Variants in TCP11L2 observed in about 807,000 individuals in gnomAD.
TCP11L2 encodes the protein T-complex protein 11-like protein 2.
Under a neutral mutation model 50.7 loss-of-function variants are expected in TCP11L2, and 39 were observed. The observed-to-expected ratio is 0.77, with a 90% CI of 0.60 to 1.01. The LOEUF is 1.01. TCP11L2 is among the 50% of genes least tolerant of loss of function. The pLI is 0.00. For synonymous variants in TCP11L2, 192 were observed against 219.3 expected (o/e 0.88, Z 1.10); for missense variants, 612 against 614.7 (o/e 1.00, Z 0.05).
At chr12:106,310,652 G>A (rs1260376342) in intron 1 of TCP11L2, among the ~76,000 whole-genome samples, 1 of 152,162 alleles carries the variant, frequency 6.6e-6, no homozygotes, top group Non-Finnish European at 1.5e-5. Context: ...CCTTCCCAAG[G>A]TCTCATGGCA....
intron 6 of TCP11L2, among the ~76,000 whole-genome samples, chr12:106,334,096 T>C (rs1248195790): frequency 6.6e-6 from 1 of 152,124 alleles, no homozygotes; most frequent in Non-Finnish European, 1.5e-5. Flanking sequence ...GAGGAACATC[T>C]TCCTGTAATT....
intron 6 of TCP11L2, chr12:106,329,347 GGT>G: frequency 6.5e-7 from 1 of 1,536,112 alleles, no homozygotes; most frequent in Non-Finnish European, 8.7e-7. Context: ...CGAGGTTGCA[GGT>G]GCCTCATGAG....
intron 3 of TCP11L2, 42 bp downstream of exon 3, chr12:106,314,535 C>T: frequency 9.9e-6 from 7 of 706,010 alleles, no homozygotes; most frequent in Non-Finnish European, 1.5e-5. Flanking sequence ...GCTGAAGATT[C>T]TGTGTGTGTG....
rs1455975273 is a variant in TCP11L2, at chr12:106,346,809, A to G, written c.*279A>G. 9.7e-6 allele frequency: 3 copies of G among 310,422 alleles called. No homozygotes were observed. The highest frequency in any genetic ancestry group is 9.0e-5 in the Admixed American group (2 of 22,254). The allele number at this position is 310,422 out of a possible 1,614,324, so 19.2% of individuals were successfully genotyped here. On this transcript the variant is annotated 3_prime_UTR_variant, in exon 10 of 10. Transcript: ENST00000299045. ...CAATTTGTAATTAATTATATTACCT[A>G]TATAATACTTGTAAATGTTTTCTTA...
chr12:106,313,307 G>A lies in TCP11L2; in HGVS notation c.158-1051G>A, dbSNP rs143767411. On this transcript the variant is annotated intron_variant, in intron 2 of 9. Coordinates refer to ENST00000299045, the MANE Select transcript of TCP11L2 (RefSeq NM_152772.3). ...CATTTAAAAATTACAGTTTTTGGCT[G>A]GGTGCGGTGGCTTACACCTGTAATC... Among the ~76,000 whole-genome samples the A allele has an allele frequency of 2.5e-3, 378 of 152,204 alleles. 4 individuals carry two copies. The highest frequency in any genetic ancestry group is 8.7e-3 in the African/African-American group (360 of 41,534).
intron 6 of TCP11L2, chr12:106,329,446 A>C: frequency 6.5e-7 from 1 of 1,534,250 alleles, no homozygotes; most frequent in South Asian, 1.2e-5. Flanking sequence ...GAGAAGAGCC[A>C]ACGTTTCACT....
At chr12:106,308,110 C>T (rs2034705644) in intron 1 of TCP11L2, among the ~76,000 whole-genome samples, 1 of 152,318 alleles carries the variant, frequency 6.6e-6, no homozygotes, top group Admixed American at 6.5e-5. Context: ...TTAAATTTTC[C>T]ATTGCAGCCC....
Position 106,320,496 on chromosome 12 carries a change from T to G in TCP11L2, c.415-990T>G, listed in dbSNP as rs1412460785. Among the ~76,000 whole-genome samples, 3 of 152,378 alleles carry G rather than the reference T, an allele frequency of 2.0e-5. No individual in the cohort carries two copies. The East Asian group carries it at 5.8e-4, about 29-fold the overall frequency. ...GATCTCCTCATGTCTGCATAGCTTT[T>G]CTTTGGGTACTCTGGTTTCCTCCCA... On this transcript the variant is annotated intron_variant, in intron 4 of 9. Transcript: ENST00000299045.
upstream of TCP11L2, among the ~76,000 whole-genome samples, chr12:106,302,407 A>C (rs1181440863): frequency 2.2e-5 from 1 of 46,046 alleles, no homozygotes; most frequent in African/African-American, 1.3e-4. Context: ...GCCCCCGCTC[A>C]GCCCCCGCTC....
At chr12:106,327,689 CCT>C (rs1334928489) in intron 6 of TCP11L2, among the ~76,000 whole-genome samples, 1 of 152,134 alleles carries the variant, frequency 6.6e-6, no homozygotes, top group African/African-American at 2.4e-5. Flanking sequence ...AAAGTCAGCC[CCT>C]GTGCCCTAAT....
intron 3 of TCP11L2, among the ~76,000 whole-genome samples, chr12:106,315,391 TG>T (rs1458821085): frequency 6.6e-6 from 1 of 152,210 alleles, no homozygotes; most frequent in East Asian, 1.9e-4. Context: ...TACAGACACC[TG>T]TAGCCCTTGC....
At chr12:106,340,747 A>C in intron 8 of TCP11L2, 79 bp from the exon 9 acceptor site, 1 of 1,272,878 alleles carries the variant, frequency 7.9e-7, no homozygotes, top group Non-Finnish European at 1.1e-6. Context: ...GTAGACATCT[A>C]AAACAAGTCT....
At chr12:106,334,463 C>T (rs1220855725) in intron 6 of TCP11L2, among the ~76,000 whole-genome samples, 1 of 152,118 alleles carries the variant, frequency 6.6e-6, no homozygotes, top group Non-Finnish European at 1.5e-5. Flanking sequence ...GTCACCAAGA[C>T]CTGTGGGTAC....
At chr12:106,321,037 G>A (rs1320633763) in intron 4 of TCP11L2, among the ~76,000 whole-genome samples, 2 of 152,012 alleles carry the variant, frequency 1.3e-5, no homozygotes, top group Non-Finnish European at 2.9e-5. Context: ...AAGTGTTTGG[G>A]GTCTTTATTT....
chr12:106,307,834 C>G (rs547656061), intron 1 of TCP11L2, among the ~76,000 whole-genome samples: 1 of 152,230 alleles, frequency 6.6e-6, no homozygotes, highest in South Asian at 2.1e-4. Flanking sequence ...CAAAAAAAAG[C>G]AAATAATAGA....
chr12:106,311,467 T>C (rs1046247675), intron 2 of TCP11L2, among the ~76,000 whole-genome samples: 1 of 152,134 alleles, frequency 6.6e-6, no homozygotes, highest in African/African-American at 2.4e-5. Flanking sequence ...TTCGGTCTGA[T>C]GATAAGTCAG....
chr12:106,310,929 C>A (rs2034828088), intron 1 of TCP11L2, 112 bp from the exon 2 acceptor site: 8 of 927,958 alleles, frequency 8.6e-6, no homozygotes, highest in Admixed American at 8.1e-5. Context: ...CATCTGGGGG[C>A]CTTTCCAACA....
intron 3 of TCP11L2, among the ~76,000 whole-genome samples, chr12:106,316,422 C>T (rs918133179): frequency 6.6e-6 from 1 of 152,136 alleles, no homozygotes. Context: ...CTCCTGCTTG[C>T]TGTGCTTCAG....
chr12:106,337,959 G>C (rs541869052), intron 8 of TCP11L2, among the ~76,000 whole-genome samples: 10 of 152,116 alleles, frequency 6.6e-5, no homozygotes, highest in Non-Finnish European at 8.8e-5. Flanking sequence ...CCTCATTACG[G>C]ATGGGGCAAT....
Sources: allele counts gnomAD v4.1 joint callset (sites outside exome capture counted in the v4.1 genomes callset), GRCh38; gene constraint gnomAD v4.1.1; transcripts MANE v1.5; gene names NCBI Gene and HGNC (gene_info 2026-07-23, HGNC 2026-07-21).